ATP8A2: variants seen among roughly 807,000 people sequenced by gnomAD.
The protein encoded by ATP8A2 is ATPase phospholipid transporting 8A2.
A neutral mutation model predicts 165.6 loss-of-function variants in ATP8A2; 100 were observed. The ratio of observed to expected loss-of-function variants is 0.60; its 90% CI spans 0.51 to 0.71. The LOEUF (loss-of-function observed/expected upper bound fraction) is 0.71. Ranked by LOEUF, ATP8A2 falls within the 30% of genes least tolerant of loss-of-function variation. ATP8A2 has a pLI of 0.00. For missense variants in ATP8A2, 1,227 were observed against 1,479.5 expected, an observed-to-expected ratio of 0.83 and a Z score of 2.80; for synonymous variants, 543 against 548.8, an observed-to-expected ratio of 0.99 and a Z score of 0.15.
chr13:25,702,886 CT>C (rs1258037113), intron 25 of ATP8A2, among the ~76,000 whole-genome samples: 1 of 152,106 alleles, frequency 6.6e-6, no homozygotes, highest in African/African-American at 2.4e-5. Flanking sequence ...TATCTGTCTC[CT>C]TTATGGGCTT....
rs146537441 is a variant in ATP8A2, at chr13:25,860,789, C to G, written c.3019-15C>G. ...TGAGAATAATGTGTTTCCAAACTGT[C>G]TTTTATTTTCACAGTATGTTGTTGT... On this transcript the variant is annotated splice_polypyrimidine_tract_variant and intron_variant, in intron 31 of 36. Coordinates refer to ENST00000381655, the MANE Select transcript of ATP8A2 (RefSeq NM_016529.6). 4.1e-4 allele frequency: 656 copies of G among 1,581,710 alleles called. 4 individuals carry two copies. The African/African-American group carries it at 7.5e-3, about 18-fold the overall frequency.
At chr13:25,748,516 C>T (rs2044084975) in intron 25 of ATP8A2, among the ~76,000 whole-genome samples, 1 of 152,082 alleles carries the variant, frequency 6.6e-6, no homozygotes, top group Non-Finnish European at 1.5e-5. Flanking sequence ...TTCATTCGAC[C>T]CCATCCAGCT....
At chr13:25,704,677 C>T (rs1051800447) in intron 25 of ATP8A2, among the ~76,000 whole-genome samples, 1 of 151,988 alleles carries the variant, frequency 6.6e-6, no homozygotes, top group Non-Finnish European at 1.5e-5. Flanking sequence ...ATCTAGGGGA[C>T]CTTTAGAGAG....
chr13:25,468,804 C>A (rs2035747122), intron 1 of ATP8A2, 173 bp from the exon 2 acceptor site: 2 of 982,492 alleles, frequency 2.0e-6, no homozygotes, highest in African/African-American at 3.5e-5. Flanking sequence ...CCTTGGCTGC[C>A]GCGGCACAGG....
chr13:25,571,784 A>C, intron 18 of ATP8A2, 92 bp downstream of exon 18: 1 of 1,117,582 alleles, frequency 8.9e-7, no homozygotes, highest in Non-Finnish European at 1.4e-6. Context: ...ATGATAGCTA[A>C]ATTTCTCTTT....
chr13:25,812,031 C>A (rs1238178441), intron 27 of ATP8A2, among the ~76,000 whole-genome samples: 1 of 152,146 alleles, frequency 6.6e-6, no homozygotes, highest in Admixed American at 6.5e-5. Context: ...CTCCTTCTCC[C>A]TTCCCACATA....
At chr13:25,480,378 A>G (rs1259427683) in intron 2 of ATP8A2, among the ~76,000 whole-genome samples, 1 of 150,302 alleles carries the variant, frequency 6.7e-6, no homozygotes, top group Non-Finnish European at 1.5e-5. Context: ...TGCCGGGCGG[A>G]GGGGCTCCTC....
At chr13:25,527,604 A>C (rs1049121146) in intron 2 of ATP8A2, among the ~76,000 whole-genome samples, 5 of 152,214 alleles carry the variant, frequency 3.3e-5, no homozygotes, top group Non-Finnish European at 7.3e-5. Context: ...ATTATTGATC[A>C]TGCTTACTCT....
At chr13:25,488,216 G>A (rs1330798497) in intron 2 of ATP8A2, among the ~76,000 whole-genome samples, 1 of 151,978 alleles carries the variant, frequency 6.6e-6, no homozygotes, top group African/African-American at 2.4e-5. Context: ...TTATATTTAA[G>A]TATACGATTC....
intron 1 of ATP8A2, among the ~76,000 whole-genome samples, chr13:25,381,928 T>C (rs1337577933): frequency 6.6e-6 from 1 of 152,174 alleles, no homozygotes; most frequent in Non-Finnish European, 1.5e-5. Flanking sequence ...ATTGTGATGA[T>C]GTCTGTGTTA....
chr13:25,556,322 T>C (rs1178156303), intron 13 of ATP8A2, among the ~76,000 whole-genome samples: 1 of 152,208 alleles, frequency 6.6e-6, no homozygotes, highest in East Asian at 1.9e-4. Context: ...TGGTGTGAGA[T>C]GGTATCTCAT....
intron 35 of ATP8A2, among the ~76,000 whole-genome samples, chr13:25,984,511 C>T (rs756921501): frequency 3.3e-5 from 5 of 150,932 alleles, no homozygotes; most frequent in Admixed American, 1.3e-4. Flanking sequence ...GGCTAAGGCA[C>T]GAGAATCGCT....
chr13:25,879,034 T>G (rs1012945216), intron 33 of ATP8A2, among the ~76,000 whole-genome samples: 1 of 152,230 alleles, frequency 6.6e-6, no homozygotes, highest in African/African-American at 2.4e-5. Flanking sequence ...ACAAGCCATG[T>G]GCACACATAC....
chr13:25,726,786 A>G (rs2043503825), intron 25 of ATP8A2, among the ~76,000 whole-genome samples: 1 of 152,170 alleles, frequency 6.6e-6, no homozygotes, highest in African/African-American at 2.4e-5. Context: ...AGCCTACTAC[A>G]GTTGCCTTGA....
intron 2 of ATP8A2, among the ~76,000 whole-genome samples, chr13:25,527,113 G>A (rs979139220): frequency 6.6e-6 from 1 of 152,080 alleles, no homozygotes; most frequent in African/African-American, 2.4e-5. Context: ...CCTTAGTGCT[G>A]TAAATTTGGT....
At chr13:25,920,282 C>T (rs1418335021) in intron 33 of ATP8A2, among the ~76,000 whole-genome samples, 1 of 152,124 alleles carries the variant, frequency 6.6e-6, no homozygotes, top group Non-Finnish European at 1.5e-5. Context: ...TTCTGGCTTC[C>T]ATTCATACCT....
chr13:25,661,371 A>T (rs1410135334), intron 24 of ATP8A2, among the ~76,000 whole-genome samples: 1 of 152,194 alleles, frequency 6.6e-6, no homozygotes, highest in East Asian at 1.9e-4. Flanking sequence ...TTGTACCTTT[A>T]TTGATTCCGC....
intron 27 of ATP8A2, among the ~76,000 whole-genome samples, chr13:25,825,689 G>A (rs1370087683): frequency 1.3e-5 from 2 of 152,208 alleles, no homozygotes; most frequent in Non-Finnish European, 2.9e-5. Flanking sequence ...CACTAAAAGT[G>A]TGGTTGAAGT....
chr13:25,791,302 C>T (rs761911868), intron 27 of ATP8A2, among the ~76,000 whole-genome samples: 11 of 152,128 alleles, frequency 7.2e-5, no homozygotes, highest in Non-Finnish European at 1.5e-4. Flanking sequence ...CTAAATACCA[C>T]ATGTTCTCAG....
Sources: gnomAD v4.1 joint callset for allele counts (sites outside exome capture counted in the v4.1 genomes callset) on GRCh38, gnomAD v4.1.1 for gene constraint, MANE v1.5 for transcripts, NCBI Gene and HGNC (gene_info 2026-07-23, HGNC 2026-07-21) for gene names.